The following NMBR variants were observed in gnomAD, a reference collection of about 807,000 sequenced individuals.
NMBR encodes neuromedin B receptor, also known as neuromedin-B receptor.
NMBR carries 16 observed loss-of-function variants against 20.5 expected under a neutral mutation model. The observed-to-expected ratio is 0.78, with a 90% CI of 0.53 to 1.19. NMBR has a LOEUF of 1.19. NMBR is among the 50% of genes most tolerant of loss of function. The pLI is 0.00. For synonymous variants in NMBR, 212 were observed against 196.6 expected (o/e 1.08, Z -0.65); for missense variants, 582 against 499.1 (o/e 1.17, Z -1.58).
intron 1 of NMBR, among the ~76,000 whole-genome samples, chr6:142,106,104 G>A (rs990060300): frequency 1.3e-5 from 2 of 152,126 alleles, no homozygotes; most frequent in African/African-American, 2.4e-5. Context: ...AAGTAGCCAT[G>A]TGGCACCCAG....
chr6:142,119,304 C>A (rs1777904251), intron 1 of NMBR, among the ~76,000 whole-genome samples: 1 of 151,954 alleles, frequency 6.6e-6, no homozygotes, highest in South Asian at 2.1e-4. Flanking sequence ...CAGGATGGGA[C>A]ATATGACTGG....
At chr6:142,144,759 A>G (rs1390412830) in intron 1 of NMBR, among the ~76,000 whole-genome samples, 15 of 152,200 alleles carry the variant, frequency 9.9e-5, no homozygotes, top group Non-Finnish European at 2.1e-4. Context: ...GGGTTAGCAT[A>G]TTTAGAAAGA....
At chr6:142,107,221 T>A (rs1777678823) in intron 1 of NMBR, among the ~76,000 whole-genome samples, 1 of 152,164 alleles carries the variant, frequency 6.6e-6, no homozygotes, top group South Asian at 2.1e-4. Context: ...CATTTGAGAC[T>A]TGACCCACTC....
chr6:142,134,024 A>C (rs1778199268), intron 1 of NMBR: 1 of 687,222 alleles, frequency 1.5e-6, no homozygotes, highest in African/African-American at 1.8e-5. Flanking sequence ...CAGGCCAATC[A>C]CTCCACAAGT....
chr6:142,081,012 A>C (rs1306237864), intron 2 of NMBR, among the ~76,000 whole-genome samples: 2 of 152,248 alleles, frequency 1.3e-5, no homozygotes, highest in Non-Finnish European at 2.9e-5. Flanking sequence ...GCTTATAAAC[A>C]ACATAAATTT....
intron 1 of NMBR, among the ~76,000 whole-genome samples, chr6:142,117,718 T>A: frequency 6.6e-6 from 1 of 151,982 alleles, no homozygotes; most frequent in Admixed American, 6.6e-5. Context: ...AAAGGAATGC[T>A]ACATATTTCA....
chr6:142,075,605 C>G lies in NMBR; in HGVS notation c.*43G>C. The G allele has an allele frequency of 1.3e-6, 2 of 1,521,614 alleles. No homozygotes were observed. The highest frequency in any genetic ancestry group is 1.8e-6 in the Non-Finnish European group (2 of 1,131,482). 94.3% of individuals were successfully genotyped at this position (1,521,614 alleles called of 1,614,324 possible). On this transcript the variant is annotated 3_prime_UTR_variant, in exon 4 of 4. Transcript: ENST00000258042. ...CTGATCTGCCGAATAGGAATTTTAA[C>G]AGTTACTAAGTTCTCTCCAGGTAGT...
chr6:142,094,904 C>T (rs1777413724), intron 1 of NMBR, among the ~76,000 whole-genome samples: 1 of 152,166 alleles, frequency 6.6e-6, no homozygotes, highest in Admixed American at 6.5e-5. Flanking sequence ...ATTTTATTCT[C>T]TTTGAAGCAA....
intron 2 of NMBR, among the ~76,000 whole-genome samples, chr6:142,079,752 A>C (rs558551019): frequency 6.6e-6 from 1 of 152,206 alleles, no homozygotes; most frequent in South Asian, 2.1e-4. Flanking sequence ...TTGAAAGCAG[A>C]ACAATATTCT....
At chr6:142,136,279 C>T (rs1405178085) in intron 1 of NMBR, among the ~76,000 whole-genome samples, 2 of 152,200 alleles carry the variant, frequency 1.3e-5, no homozygotes, top group Non-Finnish European at 2.9e-5. Flanking sequence ...TGTCTTTTGG[C>T]TGCATAAATG....
At chr6:142,104,269 ATAGCTAAACATAT>A (rs1777617393) in intron 1 of NMBR, among the ~76,000 whole-genome samples, 1 of 152,246 alleles carries the variant, frequency 6.6e-6, no homozygotes, top group South Asian at 2.1e-4. Flanking sequence ...TTGATAGCAC[ATAGCTAAACATAT>A]TAGAATTTTA....
chr6:142,103,977 A>G (rs1320452107), intron 1 of NMBR, among the ~76,000 whole-genome samples: 1 of 152,186 alleles, frequency 6.6e-6, no homozygotes, highest in Non-Finnish European at 1.5e-5. Context: ...CTCCTTAAAG[A>G]TACCATACTC....
chr6:142,110,743 A>C (rs999439815), intron 1 of NMBR, among the ~76,000 whole-genome samples: 1 of 152,194 alleles, frequency 6.6e-6, no homozygotes, highest in African/African-American at 2.4e-5. Flanking sequence ...TATATCAACA[A>C]AGGTGTTAAC....
intron 1 of NMBR, among the ~76,000 whole-genome samples, chr6:142,117,217 A>G (rs1747605691): frequency 6.6e-6 from 1 of 151,964 alleles, no homozygotes; most frequent in Non-Finnish European, 1.5e-5. Flanking sequence ...GAACTACCAG[A>G]AAATATGTGA....
At chr6:142,106,890 T>C (rs1419860430) in intron 1 of NMBR, among the ~76,000 whole-genome samples, 3 of 152,180 alleles carry the variant, frequency 2.0e-5, no homozygotes, top group Admixed American at 6.5e-5. Flanking sequence ...TTTAAAACAA[T>C]GGTAAGAGTT....
At chr6:142,113,232 T>C (rs1463047128) in intron 1 of NMBR, among the ~76,000 whole-genome samples, 1 of 152,162 alleles carries the variant, frequency 6.6e-6, no homozygotes, top group Non-Finnish European at 1.5e-5. Flanking sequence ...TTCTCATTCC[T>C]ATAAAATAGA....
chr6:142,134,069 C>G, intron 1 of NMBR: 1 of 592,588 alleles, frequency 1.7e-6, no homozygotes, highest in Non-Finnish European at 3.1e-6. Context: ...ATTAACTCTA[C>G]AACAAACTCA....
intron 1 of NMBR, among the ~76,000 whole-genome samples, chr6:142,122,646 T>C (rs765134031): frequency 6.6e-6 from 1 of 151,930 alleles, no homozygotes; most frequent in Non-Finnish European, 1.5e-5. Context: ...GCTAATACAG[T>C]TGGTAACTTA....
chr6:142,084,942 A>G (rs1455526888), intron 2 of NMBR, among the ~76,000 whole-genome samples: 1 of 152,242 alleles, frequency 6.6e-6, no homozygotes. Flanking sequence ...AGTGTTAGAA[A>G]CATGACAGAA....
Sources: gnomAD v4.1 joint callset for allele counts (sites outside exome capture counted in the v4.1 genomes callset) on GRCh38, gnomAD v4.1.1 for gene constraint, MANE v1.5 for transcripts, NCBI Gene and HGNC (gene_info 2026-07-23, HGNC 2026-07-21) for gene names.